Variants in TF observed in about 807,000 individuals in gnomAD.
The protein encoded by TF is serotransferrin.
In TF, 55 loss-of-function variants were observed where a neutral mutation model predicts 82.4. The observed-to-expected ratio is 0.67, with a 90% CI of 0.54 to 0.84. The LOEUF (loss-of-function observed/expected upper bound fraction) is 0.84. TF is among the 40% of genes least tolerant of loss of function. TF has a pLI of 0.00. For missense variants in TF, 737 were observed against 868.4 expected, an observed-to-expected ratio of 0.85 and a Z score of 1.90; for synonymous variants, 332 against 332.6, an observed-to-expected ratio of 1.00 and a Z score of 0.02.
At chr3:133,669,430 A>G in the TF span, among the ~76,000 whole-genome samples, 1 of 152,270 alleles carries the variant, frequency 6.6e-6, no homozygotes, top group East Asian at 1.9e-4. Flanking sequence ...CTCCCCTTTC[A>G]TAGTGTTTTG....
At chr3:133,764,757 A>T in intron 10 of TF, 118 bp from the exon 11 acceptor site, 1 of 958,666 alleles carries the variant, frequency 1.0e-6, no homozygotes, top group Admixed American at 2.0e-5. Context: ...AATTGATGAC[A>T]TGTATAGATA....
chr3:133,694,982 T>C, the TF span, among the ~76,000 whole-genome samples: 1 of 152,012 alleles, frequency 6.6e-6, no homozygotes, highest in African/African-American at 2.4e-5. Flanking sequence ...CTCAGAGTTG[T>C]CTGGTTTGGT....
rs1934728698 is a variant in TF at position 133,787,957 on chromosome 3, G to C, written c.*9337G>C. ...AGTGAAATGATAACATCAACCCTAAGTGACACATGGGCCCATATCCACCAG... is the reference window on the plus strand; with the variant it reads ...AGTGAAATGATAACATCAACCCTAACTGACACATGGGCCCATATCCACCAG... On this transcript the variant is annotated 3_prime_UTR_variant, in exon 17 of 17. Transcript: ENST00000402696. 1 of 152,176 alleles carries C rather than the reference G, an allele frequency of 6.6e-6. No individual in the cohort carries two copies. The highest frequency in any genetic ancestry group is 6.5e-5 in the Admixed American group (1 of 15,284). 9.4% of individuals were successfully genotyped at this position (152,176 alleles called of 1,614,324 possible).
the TF span, chr3:133,699,605 G>A: frequency 5.4e-6 from 3 of 554,670 alleles, no homozygotes; most frequent in Non-Finnish European, 1.0e-5. Flanking sequence ...TGATCTAGAA[G>A]CTTCTCAACC....
chr3:133,683,487 A>C, the TF span, among the ~76,000 whole-genome samples: 1 of 152,204 alleles, frequency 6.6e-6, no homozygotes, highest in Non-Finnish European at 1.5e-5. Flanking sequence ...ATAGGCTTAA[A>C]ATAAAGGGCT....
In TF at chr3:133,775,618, G is replaced by C. The variant is rs112655699; in HGVS notation, c.1872+1G>C. ...CCACAAGATATTACGTCAACAGCAG[G>C]TATGGACCAGCCAGGTCCTCCCACC... On this transcript the variant is annotated splice_donor_variant, in intron 15 of 16. Coordinates refer to ENST00000402696, the MANE Select transcript of TF (RefSeq NM_001063.4). LOFTEE classifies it high-confidence loss of function. 1.2e-6 allele frequency: 2 copies of C among 1,613,872 alleles called. No homozygotes were observed. Among genetic ancestry groups the C allele is most frequent in the South Asian group, 2.2e-5 (2 of 91,072 alleles).
chr3:133,708,178 G>C, the TF span, among the ~76,000 whole-genome samples: 1 of 152,100 alleles, frequency 6.6e-6, no homozygotes, highest in African/African-American at 2.4e-5. Context: ...GTATAGATAT[G>C]ATACATCCAT....
At chr3:133,762,757 G>C (rs555090471) in intron 9 of TF, among the ~76,000 whole-genome samples, 1 of 152,252 alleles carries the variant, frequency 6.6e-6, no homozygotes, top group East Asian at 1.9e-4. Flanking sequence ...AACTGGTCTG[G>C]TGACAGGTGC....
chr3:133,699,182 A>C, the TF span, among the ~76,000 whole-genome samples: 3 of 152,216 alleles, frequency 2.0e-5, no homozygotes, highest in Non-Finnish European at 4.4e-5. Flanking sequence ...TGCTGTCACC[A>C]TTCCTATTAG....
At chr3:133,778,365 G>GA (rs1262506066) in intron 16 of TF, 8 of 464,966 alleles carry the variant, frequency 1.7e-5, no homozygotes, top group Non-Finnish European at 3.2e-5. Flanking sequence ...TGTAGGGCAG[G>GA]AAAATCATGT....
the TF span, among the ~76,000 whole-genome samples, chr3:133,739,187 C>T: frequency 6.6e-6 from 1 of 152,154 alleles, no homozygotes; most frequent in South Asian, 2.1e-4. Context: ...TGATCTTTGA[C>T]AAACCTGACA....
rs2107916957 is a variant in TF at position 133,757,130 on chromosome 3, C to A, written c.870+121C>A. On this transcript the variant is annotated intron_variant, in intron 7 of 16. Transcript: ENST00000402696. ...TGTTCAGGATACAGTGGGAGCCATG[C>A]CACATGTCACTAAGTTCTCTAAAAG... 6 of 1,296,234 alleles carry A rather than the reference C, an allele frequency of 4.6e-6. No homozygotes were observed. The East Asian group carries it at 1.4e-4, about 31-fold the overall frequency. The allele number at this position is 1,296,234 out of a possible 1,614,324, so 80.3% of individuals were successfully genotyped here.
chr3:133,693,172 G>A, the TF span, among the ~76,000 whole-genome samples: 2 of 152,188 alleles, frequency 1.3e-5, no homozygotes. Context: ...CTTATCCCTA[G>A]TCGCTTGGCT....
At chr3:133,733,295 C>T in the TF span, among the ~76,000 whole-genome samples, 1 of 152,192 alleles carries the variant, frequency 6.6e-6, no homozygotes, top group African/African-American at 2.4e-5. Flanking sequence ...GCTGAAGCAG[C>T]TGCTGTGACA....
At chr3:133,678,037 T>C in the TF span, among the ~76,000 whole-genome samples, 1 of 152,112 alleles carries the variant, frequency 6.6e-6, no homozygotes, top group African/African-American at 2.4e-5. Context: ...CAGGCTCCGG[T>C]GTGTGCTCTT....
At chr3:133,750,869 T>C (rs1411929264) in intron 2 of TF, among the ~76,000 whole-genome samples, 1 of 152,238 alleles carries the variant, frequency 6.6e-6, no homozygotes, top group Non-Finnish European at 1.5e-5. Flanking sequence ...GCCATGTTGG[T>C]GTGCTGCACC....
At chr3:133,664,716 G>GT in the TF span, among the ~76,000 whole-genome samples, 1 of 151,898 alleles carries the variant, frequency 6.6e-6, no homozygotes, top group Non-Finnish European at 1.5e-5. Context: ...TTTAAATTTT[G>GT]TTTTTTTATT....
At chr3:133,687,776 A>G in the TF span, among the ~76,000 whole-genome samples, 2 of 152,142 alleles carry the variant, frequency 1.3e-5, no homozygotes, top group East Asian at 1.9e-4. Flanking sequence ...TCTTTTCATG[A>G]CGGAATAATA....
At chr3:133,708,269 C>G in the TF span, among the ~76,000 whole-genome samples, 1 of 151,984 alleles carries the variant, frequency 6.6e-6, no homozygotes, top group Admixed American at 6.6e-5. Context: ...AAAGAAGTGT[C>G]CACAATATAT....
Sources: allele counts gnomAD v4.1 joint callset (sites outside exome capture counted in the v4.1 genomes callset), GRCh38; gene constraint gnomAD v4.1.1; transcripts MANE v1.5; gene names NCBI Gene and HGNC (gene_info 2026-07-23, HGNC 2026-07-21).